ZNF224: variants seen among roughly 807,000 people sequenced by gnomAD.
ZNF224 encodes the protein zinc finger protein 224.
ZNF224 carries 8 observed loss-of-function variants against 10.5 expected under a neutral mutation model. The observed-to-expected ratio is 0.76, with a 90% CI of 0.45 to 1.37. The LOEUF (loss-of-function observed/expected upper bound fraction) is 1.37. Among genes scored for constraint, ZNF224 ranks in the 40% most tolerant of loss-of-function variants. ZNF224 has a pLI of 0.00. For missense variants in ZNF224, 754 were observed against 854.0 expected (o/e 0.88, Z 1.46); for synonymous variants, 282 against 287.8 (o/e 0.98, Z 0.20).
intron 5 of ZNF224, among the ~76,000 whole-genome samples, chr19:44,103,039 A>G (rs2147528649): frequency 6.6e-6 from 1 of 152,352 alleles, no homozygotes; most frequent in Non-Finnish European, 1.5e-5. Flanking sequence ...TTGTTCAAAA[A>G]TATGTATATT....
At chr19:44,102,041 A>G (rs1284454670) in intron 5 of ZNF224, among the ~76,000 whole-genome samples, 1 of 151,830 alleles carries the variant, frequency 6.6e-6, no homozygotes, top group Non-Finnish European at 1.5e-5. Context: ...TGCATCTACA[A>G]CCTCTGTTCC....
intron 5 of ZNF224, among the ~76,000 whole-genome samples, chr19:44,105,080 C>T (rs1039007257): frequency 9.9e-5 from 15 of 152,210 alleles, no homozygotes; most frequent in Non-Finnish European, 5.9e-5. Context: ...TAAAGCCTCA[C>T]CTTAAATCAC....
chr19:44,106,201 C>T (rs1967654713), intron 5 of ZNF224, 195 bp from the exon 6 acceptor site: 2 of 605,552 alleles, frequency 3.3e-6, no homozygotes, highest in African/African-American at 3.7e-5. Flanking sequence ...TTATTTCTAT[C>T]AAGTATTTTA....
At chr19:44,103,466 T>C (rs28446946) in intron 5 of ZNF224, among the ~76,000 whole-genome samples, 112,279 of 152,120 alleles carry the variant, frequency 0.74, 43,076 homozygotes, top group Non-Finnish European at 0.87. Context: ...ACATTTTTCA[T>C]GCATGTAGAT....
In ZNF224 at chr19:44,107,945, A is replaced by G. The variant is rs201589103; in HGVS notation, c.1785A>G (p.Pro595=). 1.2e-5 allele frequency: 19 copies of G among 1,614,118 alleles called. No individual in the cohort carries two copies. Among genetic ancestry groups the G allele is most frequent in the East Asian group, 2.2e-5 (1 of 44,900 alleles). Residue 595 remains proline, a synonymous_variant, in exon 6 of 6, where the codon CCA becomes CCG. Coordinates refer to ENST00000693561, the MANE Select transcript of ZNF224 (RefSeq NM_001321645.3). ...AAAGAGTGCACACTGGAGAAAAGCC[A>G]TACAAATGTGATGAGTGTGGGAAGG... ...SHQRVHTGEK[P]YKCDECGKGF...
At chr19:44,103,435 C>A (rs1485427782) in intron 5 of ZNF224, among the ~76,000 whole-genome samples, 1 of 152,218 alleles carries the variant, frequency 6.6e-6, no homozygotes, top group East Asian at 1.9e-4. Flanking sequence ...AGAAACACAT[C>A]TTTCACCATA....
Position 44,107,860 on chromosome 19 carries a change from C to T in ZNF224, c.1700C>T (p.Pro567Leu). The change falls in exon 6 of 6, where the codon CCA becomes CTA. Residue 567 changes from proline to leucine, a missense_variant. Pro to Leu is a moderately conservative substitution (Grantham distance 98, BLOSUM62 -3). Transcript: ENST00000693561. ...CAGAGACTGCACAGTGGAGAAAAAC[C>T]ATTCAAATGTGAAGAGTGTGGGAAA... ...KHQRLHSGEK[P>L]FKCEECGKRF... is the part of the protein sequence containing the mutation. 4 of 1,601,674 alleles carry T rather than the reference C, an allele frequency of 2.5e-6. No individual in the cohort carries two copies. Among genetic ancestry groups the T allele is most frequent in the Non-Finnish European group, 3.4e-6 (4 of 1,172,442 alleles).
At chr19:44,096,745 C>T (rs1967442322) in intron 2 of ZNF224, among the ~76,000 whole-genome samples, 1 of 152,130 alleles carries the variant, frequency 6.6e-6, no homozygotes, top group South Asian at 2.1e-4. Flanking sequence ...GTCACATTTC[C>T]ATAATCTTTA....
chr19:44,097,098 A>C (rs185747507), intron 2 of ZNF224: 8 of 225,942 alleles, frequency 3.5e-5, no homozygotes, highest in Non-Finnish European at 4.6e-5. Context: ...TACTTAAAAA[A>C]AATTGAAAAG....
chr19:44,103,667 A>G lies in ZNF224; in HGVS notation c.235+2442A>G, dbSNP rs566911355. Among the ~76,000 whole-genome samples the G allele has an allele frequency of 1.5e-3, 227 of 151,936 alleles. 1 individual carries two copies. The highest frequency in any genetic ancestry group is 5.3e-3 in the African/African-American group (220 of 41,452). On this transcript the variant is annotated intron_variant, in intron 5 of 5. Coordinates refer to ENST00000693561, the MANE Select transcript of ZNF224 (RefSeq NM_001321645.3). ...GTATAAAGGAGTATTTATCTATATC[A>G]TATATTTTCTGCCCTCTTTTTTCTT...
In ZNF224 at chr19:44,103,937, C is replaced by T. The variant is rs145150849; in HGVS notation, c.236-2459C>T. On this transcript the variant is annotated intron_variant, in intron 5 of 5. Coordinates refer to ENST00000693561, the MANE Select transcript of ZNF224 (RefSeq NM_001321645.3). Reference sequence around the variant, plus strand: ...AACTCCTGGGCTCAAGCAATCTGCCCGCCTTGGCCTCTCAAAGTGCTGAGA... The same window carrying T: ...AACTCCTGGGCTCAAGCAATCTGCCTGCCTTGGCCTCTCAAAGTGCTGAGA... 6.4e-3 allele frequency among the ~76,000 whole-genome samples: 974 copies of T among 152,254 alleles called. 8 individuals carry two copies. The highest frequency in any genetic ancestry group is 0.022 in the African/African-American group (903 of 41,554).
rs1449993830 is a variant in ZNF224 at position 44,109,123 on chromosome 19, T to G, written c.*839T>G. The G allele has an allele frequency of 1.3e-5, 2 of 157,678 alleles. No individual in the cohort carries two copies. The highest frequency in any genetic ancestry group is 1.4e-5 in the Non-Finnish European group (1 of 71,158). 9.8% of individuals were successfully genotyped at this position (157,678 alleles called of 1,614,324 possible). A position where few individuals can be genotyped will look rare whatever the true frequency, so the allele number is the denominator to read the frequency against. On this transcript the variant is annotated 3_prime_UTR_variant, in exon 6 of 6. Transcript: ENST00000693561. ...ACAGTATAGACTGAAAAGGTTTGGT[T>G]AATTTTGCAATAACAGACCACTGCA...
At position 44,108,688 on chromosome 19, in the gene ZNF224, A is replaced by G. The variant is rs1967759180; in HGVS notation, c.*404A>G. ...ATTGATGTCCACTAGAATGTAAACT[A>G]CATGTGTCTTTGCTGCTAAGTCGTC... On this transcript the variant is annotated 3_prime_UTR_variant, in exon 6 of 6. Coordinates refer to ENST00000693561, the MANE Select transcript of ZNF224 (RefSeq NM_001321645.3). The G allele has an allele frequency of 1.9e-6, 1 of 521,042 alleles. No individual in the cohort carries two copies. Among genetic ancestry groups the G allele is most frequent in the Non-Finnish European group, 3.8e-6 (1 of 261,524 alleles). The allele number at this position is 521,042 out of a possible 1,614,324, so 32.3% of individuals were successfully genotyped here.
rs777985241 is a variant in ZNF224 at position 44,106,852 on chromosome 19, C to T, written c.692C>T (p.Pro231Leu). Residue 231 changes from proline to leucine, a missense_variant, in exon 6 of 6, where the codon CCG (proline) becomes CTG (leucine). Coordinates refer to ENST00000693561, the MANE Select transcript of ZNF224 (RefSeq NM_001321645.3). ...CAGAGAGTCCACACTGGAGAGAAAC[C>T]GTTCAAATGTGTGGAATGTGGGAAA... ...THQRVHTGEKPFKCVECGKGF... is the reference protein window; with the variant it reads ...THQRVHTGEKLFKCVECGKGF... The T allele has an allele frequency of 2.5e-5, 41 of 1,612,766 alleles. No individual in the cohort carries two copies. The highest frequency in any genetic ancestry group is 1.3e-4 in the African/African-American group (10 of 74,900).
chr19:44,100,867 G>A lies in ZNF224; in HGVS notation c.82G>A (p.Ala28Thr), dbSNP rs1266763021. The A allele has an allele frequency of 1.9e-6, 3 of 1,614,140 alleles. No individual in the cohort carries two copies. Among genetic ancestry groups the A allele is most frequent in the Admixed American group, 1.7e-5 (1 of 60,022 alleles). ...GGAAGAGCTGGGGCTGCTGGACCTT[G>A]CTCAGAGGAAGCTGTATCGAGATGT... ...TEEELGLLDL[A>T]QRKLYRDVML... Residue 28 changes from alanine (A) to threonine (T), a missense_variant, in exon 4 of 6, where the codon GCT becomes ACT. Transcript: ENST00000693561.
rs1967767985 is a variant in ZNF224 at position 44,108,953 on chromosome 19, C to G, written c.*669C>G. ...AAATTTTTTTCTTGATCAGATTTAT[C>G]ATATTCATTGAACATTATTTTATTG... is the stretch of plus-strand genomic sequence containing the variant. On this transcript the variant is annotated 3_prime_UTR_variant, in exon 6 of 6. Transcript: ENST00000693561. The G allele has an allele frequency of 4.3e-6, 1 of 230,512 alleles. No individual in the cohort carries two copies. Among genetic ancestry groups the G allele is most frequent in the Non-Finnish European group, 9.1e-6 (1 of 110,058 alleles). 14.3% of individuals were successfully genotyped at this position (230,512 alleles called of 1,614,324 possible).
Position 44,107,199 on chromosome 19 carries a change from G to A in ZNF224, c.1039G>A (p.Glu347Lys). Reference sequence around the variant, plus strand: ...CACAGGAGAGAAACCATACAAATGTGAGGAGTGTGGAAAAGGCTTTATTTG... The same window carrying A: ...CACAGGAGAGAAACCATACAAATGTAAGGAGTGTGGAAAAGGCTTTATTTG... ...IHTGEKPYKC[E>K]ECGKGFICRR... The change falls in exon 6 of 6, where the codon GAG (glutamate) becomes AAG (lysine). Residue 347 changes from glutamate (E) to lysine (K), a missense_variant. Physicochemically the swap from Glu to Lys is moderately conservative, Grantham distance 56 (BLOSUM62 1). Transcript: ENST00000693561. The A allele has an allele frequency of 1.2e-6, 2 of 1,605,234 alleles. No homozygotes were observed. The highest frequency in any genetic ancestry group is 1.7e-6 in the Non-Finnish European group (2 of 1,175,494).
At chr19:44,096,124 C>A (rs1967431649) in intron 1 of ZNF224, 1 of 152,034 alleles carries the variant, frequency 6.6e-6, no homozygotes, top group Non-Finnish European at 1.5e-5. Context: ...TGCTGACAGA[C>A]TAAACTAGTG....
At chr19:44,098,869 G>A (rs1384724519) in intron 3 of ZNF224, among the ~76,000 whole-genome samples, 1 of 152,186 alleles carries the variant, frequency 6.6e-6, no homozygotes, top group African/African-American at 2.4e-5. Context: ...GTGAGCCACC[G>A]CGCCCAGCCT....
Sources: gnomAD v4.1 joint callset for allele counts (sites outside exome capture counted in the v4.1 genomes callset) on GRCh38, gnomAD v4.1.1 for gene constraint, MANE v1.5 for transcripts, NCBI Gene and HGNC (gene_info 2026-07-23, HGNC 2026-07-21) for gene names.